Variants in MUC4 observed in about 807,000 individuals in gnomAD.
MUC4 encodes mucin-4.
MUC4 carries 202 observed loss-of-function variants against 257.9 expected under a neutral mutation model. That is an observed-to-expected ratio of 0.78 (90% CI 0.70 to 0.88). MUC4 has a LOEUF of 0.88. Among genes scored for constraint, MUC4 ranks in the 40% least tolerant of loss-of-function variants. The probability of loss-of-function intolerance (pLI) is 0.00; values close to 1 mark genes in which losing one functional copy is unlikely to be tolerated. For missense variants in MUC4, 5,976 were observed against 6,513.7 expected (o/e 0.92, Z 2.84); for synonymous variants, 2,351 against 2,757.1 (o/e 0.85, Z 4.62).
chr3:195,771,902 AC>A, intron 4 of MUC4, 86 bp from the exon 5 acceptor site: 3 of 1,459,588 alleles, frequency 2.1e-6, no homozygotes, highest in Non-Finnish European at 2.8e-6. Flanking sequence ...CAAAAGCGTG[AC>A]CCCCAAGGGT....
Position 195,786,061 on chromosome 3 carries a change from G to A in MUC4, c.5519C>T (p.Ser1840Phe). 1 of 1,521,950 alleles carries A rather than the reference G, an allele frequency of 6.6e-7. No individual in the cohort carries two copies. The highest frequency in any genetic ancestry group is 8.8e-7 in the Non-Finnish European group (1 of 1,130,498). The allele number at this position is 1,521,950 out of a possible 1,614,324, so 94.3% of individuals were successfully genotyped here. A position where few individuals can be genotyped will look rare whatever the true frequency, so the allele number is the denominator to read the frequency against. Residue 1840 changes from serine (S) to phenylalanine (F), a missense_variant, in exon 2 of 25, where the codon TCT becomes TTT. Physicochemically the swap from Ser to Phe is radical, Grantham distance 155. This residue lies in a region of MUC4 where 31 missense variants were observed against 71.1 expected (regional missense o/e 0.44). Coordinates refer to ENST00000463781, the MANE Select transcript of MUC4 (RefSeq NM_018406.7). ...TGAGGAAGGGATGGTGACAGGAAGA[G>A]AGGTGGTGTCACCTGTGGATGCTGA... The part of the protein sequence containing the change: ...ASSASTGDTT[S>F]LPVTIPSSAS...
rs1176053027 is a variant in MUC4 at position 195,789,602 on chromosome 3, C to T, written c.1978G>A (p.Asp660Asn). The stretch of plus-strand genomic sequence containing the variant: ...CCTGGGGTGGTGACTGTCTTGGTGT[C>T]AGTCATGGGGGAGACGGACCTCGTG... ...QTTRSVSPMT[D>N]TKTVTTPGSS... is the part of the protein sequence containing the mutation. Residue 660 changes from aspartate (D) to asparagine (N), a missense_variant, in exon 2 of 25, where the codon GAC becomes AAC. This residue lies in a region of MUC4 where 1,583 missense variants were observed against 1,257.4 expected (regional missense o/e 1.26). Coordinates refer to ENST00000463781, the MANE Select transcript of MUC4 (RefSeq NM_018406.7). 2 of 1,613,888 alleles carry T rather than the reference C, an allele frequency of 1.2e-6. No homozygotes were observed. The highest frequency in any genetic ancestry group is 1.7e-5 in the Admixed American group (1 of 60,018).
In MUC4 at chr3:195,751,418, C is replaced by G. The variant is rs1716415457; in HGVS notation, c.15583-147G>C. 5 of 676,502 alleles carry G rather than the reference C, an allele frequency of 7.4e-6. No homozygotes were observed. The East Asian group carries it at 1.4e-4, about 18-fold the overall frequency. The allele number at this position is 676,502 out of a possible 1,614,324, so 41.9% of individuals were successfully genotyped here. On this transcript the variant is annotated intron_variant, in intron 21 of 24. Transcript: ENST00000463781. ...GCACCTTCCTCACCTGTCTCTGCAC[C>G]CTTGCACTCTAGCCTAGCTCAGTGA...
chr3:195,752,837 C>T (rs1025912792), intron 20 of MUC4, among the ~76,000 whole-genome samples: 4 of 152,228 alleles, frequency 2.6e-5, no homozygotes, highest in Non-Finnish European at 5.9e-5. Context: ...CTCCGTCCTT[C>T]CTCCATAGGC....
At chr3:195,750,424 G>A (rs1476811093) in intron 23 of MUC4, 1 of 186,722 alleles carries the variant, frequency 5.4e-6, no homozygotes, top group Admixed American at 5.9e-5. Flanking sequence ...GTGCTGGGGG[G>A]TGTTGAGGCC....
rs373028197 is a variant in MUC4 at position 195,770,955 on chromosome 3, G to A, written c.13243-584C>T. On this transcript the variant is annotated intron_variant, in intron 5 of 24. Coordinates refer to ENST00000463781, the MANE Select transcript of MUC4 (RefSeq NM_018406.7). ...GTCACCTGTAGGTCTTCTCGTGGCC[G>A]GGTTGGGGTATTCCTGGTCAGTCTC... 12 of 431,850 alleles carry A rather than the reference G, an allele frequency of 2.8e-5. 1 individual carries two copies. Among genetic ancestry groups the A allele is most frequent in the African/African-American group, 9.3e-5 (4 of 42,784 alleles). The allele number at this position is 431,850 out of a possible 1,614,324, so 26.8% of individuals were successfully genotyped here.
chr3:195,807,445 G>A (rs2149081175), intron 1 of MUC4, among the ~76,000 whole-genome samples: 1 of 152,094 alleles, frequency 6.6e-6, no homozygotes, highest in East Asian at 1.9e-4. Context: ...TGCAGCCTGG[G>A]GGACAGAGAG....
Position 195,782,433 on chromosome 3 carries a change from T to C in MUC4, c.9147A>G (p.Ala3049=), listed in dbSNP as rs765940031. The C allele has an allele frequency of 4.8e-6, 7 of 1,457,050 alleles. No homozygotes were observed. The African/African-American group carries it at 1.2e-4, about 24-fold the overall frequency. 90.3% of individuals were successfully genotyped at this position (1,457,050 alleles called of 1,614,324 possible). A position where few individuals can be genotyped will look rare whatever the true frequency, so the allele number is the denominator to read the frequency against. ...GAAGAGGGTTGGCGTGACCTGTGGA[T>C]GCTGAGGAAGTGTCGGTGACAGGAA... is the stretch of plus-strand genomic sequence containing the variant. ...TPLPVTDTSS[A]STGHANPLHV... Residue 3049 remains alanine, a synonymous_variant, in exon 2 of 25, where the codon GCA becomes GCG. Transcript: ENST00000463781.
chr3:195,789,781 G>A lies in MUC4; in HGVS notation c.1799C>T (p.Pro600Leu), dbSNP rs761632323. The A allele has an allele frequency of 5.0e-6, 8 of 1,614,000 alleles. No homozygotes were observed. The African/African-American group carries it at 8.0e-5, about 16-fold the overall frequency. The change falls in exon 2 of 25, where the codon CCT becomes CTT. Residue 600 changes from proline (P) to leucine (L), a missense_variant. By Grantham distance (98) the Pro-to-Leu change is moderately conservative. Around this residue, in one of 44 missense-constraint regions of MUC4, gnomAD observed 1,583 missense variants for 1,257.4 expected, o/e 1.26. Transcript: ENST00000463781. ...IKTATSPSSS[P>L]MLDRHTSQQI... is the part of the protein sequence containing the mutation. Reference sequence around the variant, plus strand: ...TTGGGATGTGTGTCTATCCAGCATAGGTGAAGAAGATGGGGATGTGGCCGT... The same window carrying A: ...TTGGGATGTGTGTCTATCCAGCATAAGTGAAGAAGATGGGGATGTGGCCGT...
intron 16 of MUC4, 42 bp from the exon 17 acceptor site, chr3:195,759,303 T>C (rs1010116426): frequency 3.1e-6 from 5 of 1,603,618 alleles, no homozygotes; most frequent in Non-Finnish European, 4.3e-6. Flanking sequence ...GGCAGGACAG[T>C]CTCCTGCTTT....
At position 195,769,159 on chromosome 3, in the gene MUC4, G is replaced by T. The variant is rs1446852961; in HGVS notation, c.13399-7C>A. On this transcript the variant is annotated splice_polypyrimidine_tract_variant and splice_region_variant and intron_variant, in intron 6 of 24. Transcript: ENST00000463781. ...TGGCTTGGTAGGTGTTGCTCTGGGG[G>T]TGGGTGGAAGAAAACACAGGGATGC... The T allele has an allele frequency of 5.0e-6, 8 of 1,613,806 alleles. No homozygotes were observed. The highest frequency in any genetic ancestry group is 6.8e-6 in the Non-Finnish European group (8 of 1,179,916).
chr3:195,791,065 G>A lies in MUC4; in HGVS notation c.515C>T (p.Thr172Ile), dbSNP rs1423166399. Residue 172 changes from threonine to isoleucine, a missense_variant, in exon 2 of 25, where the codon ACA (threonine) becomes ATA (isoleucine). Physicochemically the swap from Thr to Ile is moderately conservative, Grantham distance 89 (BLOSUM62 -1). Around this residue, in one of 44 missense-constraint regions of MUC4, gnomAD observed 1,583 missense variants for 1,257.4 expected, o/e 1.26. Coordinates refer to ENST00000463781, the MANE Select transcript of MUC4 (RefSeq NM_018406.7). The part of the protein sequence containing the change: ...STPVTSAVSI[T>I]AGQEGQSRTT... The stretch of plus-strand genomic sequence containing the variant: ...TCGTGATTGTCCTTCCTGTCCAGCT[G>A]TTATTGAGACTGCTGAGGTCACTGG... 1.9e-6 allele frequency: 3 copies of A among 1,613,732 alleles called. No individual in the cohort carries two copies. Among genetic ancestry groups the A allele is most frequent in the African/African-American group, 1.3e-5 (1 of 74,854 alleles).
rs530374430 is a variant in MUC4 at position 195,750,764 on chromosome 3, C to G, written c.15871+125G>C. 1.8e-4 allele frequency: 165 copies of G among 904,898 alleles called. No homozygotes were observed. The East Asian group carries it at 3.9e-3, about 22-fold the overall frequency. 56.1% of individuals were successfully genotyped at this position (904,898 alleles called of 1,614,324 possible). ...CTAAAAAGCAGCTGGACAAAATGTT[C>G]ACGTTTTCGCTCAAAACCAAACAAA... On this transcript the variant is annotated intron_variant, in intron 23 of 24. Transcript: ENST00000463781.
At position 195,782,363 on chromosome 3, in the gene MUC4, G is replaced by T. The variant is rs1728592922; in HGVS notation, c.9217C>A (p.Leu3073Ile). 1 of 1,442,500 alleles carries T rather than the reference G, an allele frequency of 6.9e-7. No individual in the cohort carries two copies. Among genetic ancestry groups the T allele is most frequent in the South Asian group, 1.3e-5 (1 of 79,048 alleles). The allele number at this position is 1,442,500 out of a possible 1,614,324, so 89.4% of individuals were successfully genotyped here. The change falls in exon 2 of 25, where the codon CTT (leucine) becomes ATT (isoleucine). Residue 3073 changes from leucine to isoleucine, a missense_variant. Physicochemically the swap from Leu to Ile is conservative, Grantham distance 5 (BLOSUM62 2). Coordinates refer to ENST00000463781, the MANE Select transcript of MUC4 (RefSeq NM_018406.7). ...SSASTGHATPLPVTDTSSAST... is the reference protein window; with the variant it reads ...SSASTGHATPIPVTDTSSAST... ...GCTGAGGAAGTGTCGGTGACAGGAA[G>T]CGGGGTGGCGTGACCGGTGGATGCT...
chr3:195,804,608 C>T (rs993456696), intron 1 of MUC4, among the ~76,000 whole-genome samples: 2 of 152,230 alleles, frequency 1.3e-5, no homozygotes, highest in Non-Finnish European at 2.9e-5. Context: ...TTTCACTTTC[C>T]TGGAGGGGAA....
rs879053774 is a variant in MUC4, at chr3:195,790,931, T to A, written c.649A>T (p.Arg217Ter). 1 of 1,613,852 alleles carries A rather than the reference T, an allele frequency of 6.2e-7. No homozygotes were observed. The highest frequency in any genetic ancestry group is 2.2e-5 in the East Asian group (1 of 44,898). The change falls in exon 2 of 25, where the codon AGA (arginine) becomes TGA (stop). Residue 217 changes from arginine (R) to a stop codon, truncating the protein, a stop_gained. Transcript: ENST00000463781. LOFTEE classifies it high-confidence loss of function. Reference protein sequence around the residue: ...RESQTSTLTHRTTSTPSFSPS... With the variant: ...RESQTSTLTH ...GAGAAAGAAGGAGTTGAAGTGGTTC[T>A]GTGTGTTAGGGTGCTGGTTTGAGAT... is the stretch of plus-strand genomic sequence containing the variant.
At chr3:195,802,826 G>T (rs1220117151) in intron 1 of MUC4, among the ~76,000 whole-genome samples, 1 of 152,188 alleles carries the variant, frequency 6.6e-6, no homozygotes, top group Admixed American at 6.5e-5. Flanking sequence ...GTAGCCGGCA[G>T]CTTAAATTCA....
chr3:195,771,906 C>T (rs1722960931), intron 4 of MUC4, 90 bp from the exon 5 acceptor site: 7 of 1,425,198 alleles, frequency 4.9e-6, no homozygotes, highest in Non-Finnish European at 6.8e-6. Context: ...AGCGTGACCC[C>T]CAAGGGTAGA....
chr3:195,762,969 T>A (rs766499267), intron 12 of MUC4, 24 bp from the exon 13 acceptor site: 6 of 1,516,610 alleles, frequency 4.0e-6, no homozygotes, highest in Non-Finnish European at 5.4e-6. Flanking sequence ...GGAGGGGGCC[T>A]GAGCCCGACC....
Sources: gnomAD v4.1 joint callset for allele counts (sites outside exome capture counted in the v4.1 genomes callset) on GRCh38, gnomAD v4.1.1 for gene constraint, gnomAD v4.1.1 regional missense constraint, MANE v1.5 for transcripts, NCBI Gene and HGNC (gene_info 2026-07-23, HGNC 2026-07-21) for gene names.